The following TNRC18 variants were observed in gnomAD, a reference collection of about 807,000 sequenced individuals.
TNRC18 encodes trinucleotide repeat-containing gene 18 protein.
TNRC18 carries 69 observed loss-of-function variants against 226.7 expected under a neutral mutation model. The ratio of observed to expected loss-of-function variants is 0.30; its 90% confidence interval spans 0.25 to 0.37. TNRC18 has a LOEUF of 0.37. Among genes scored for constraint, TNRC18 ranks in the 10% least tolerant of loss-of-function variants. The probability of loss-of-function intolerance (pLI) is 1.00; values close to 1 mark genes in which losing one functional copy is unlikely to be tolerated. For synonymous variants in TNRC18, 2,449 were observed against 1,927.6 expected (o/e 1.27, Z -7.09); for missense variants, 4,754 against 4,256.6 (o/e 1.12, Z -3.25).
At chr7:5,344,250 TG>T (rs1310205293) in intron 18 of TNRC18, among the ~76,000 whole-genome samples, 2 of 152,034 alleles carry the variant, frequency 1.3e-5, no homozygotes, top group Non-Finnish European at 2.9e-5. Context: ...AGTCTGATGG[TG>T]GTGGGTCAGA....
In TNRC18 at chr7:5,389,285, G is replaced by T; in HGVS notation, c.539C>A (p.Ala180Glu). The T allele has an allele frequency of 7.8e-7, 1 of 1,289,296 alleles. No homozygotes were observed. Among genetic ancestry groups the T allele is most frequent in the South Asian group, 2.5e-5 (1 of 40,340 alleles). 79.9% of individuals were successfully genotyped at this position (1,289,296 alleles called of 1,614,324 possible). The stretch of plus-strand genomic sequence containing the variant: ...GCCGCCAGGGGTCCGGGCCGAGGGC[G>T]CGTGAGAGTGCAGGGAGCCCGGAGC... The part of the protein sequence containing the change: ...AGAPGSLHSH[A>E]PSARTPGGGH... Residue 180 changes from alanine to glutamate, a missense_variant, in exon 5 of 30, where the codon GCG becomes GAG. Physicochemically the swap from Ala to Glu is moderately radical, Grantham distance 107. Coordinates refer to ENST00000430969, the MANE Select transcript of TNRC18 (RefSeq NM_001080495.3).
chr7:5,402,458 C>T (rs1267067281), intron 2 of TNRC18, among the ~76,000 whole-genome samples: 8 of 151,986 alleles, frequency 5.3e-5, no homozygotes, highest in Admixed American at 2.0e-4. Context: ...TGACTTGAGC[C>T]CAGGAGGCGG....
In TNRC18 at chr7:5,390,588, G is replaced by T. The variant is rs545015683; in HGVS notation, c.384C>A (p.Leu128=). 5.6e-6 allele frequency: 9 copies of T among 1,612,020 alleles called. No individual in the cohort carries two copies. Among genetic ancestry groups the T allele is most frequent in the Non-Finnish European group, 7.6e-6 (9 of 1,179,100 alleles). ...TGGGGGGCTCCAGGTGGTTCAGGTGGAGGTAGGATGGGTACAGCCCACTGG... is the reference window on the plus strand; with the variant it reads ...TGGGGGGCTCCAGGTGGTTCAGGTGTAGGTAGGATGGGTACAGCCCACTGG... ...HLPSGLYPSY[L]HLNHLEPPSS... is the part of the protein sequence containing the mutation. The change falls in exon 4 of 30, where the codon CTC becomes CTA. Residue 128 remains leucine (L), a synonymous_variant. Coordinates refer to ENST00000430969, the MANE Select transcript of TNRC18 (RefSeq NM_001080495.3).
intron 2 of TNRC18, among the ~76,000 whole-genome samples, chr7:5,404,303 G>A (rs570279252): frequency 1.1e-4 from 16 of 151,696 alleles, no homozygotes; most frequent in East Asian, 3.9e-4. Flanking sequence ...CCTGGGAGGC[G>A]GAGGTTGCAG....
At chr7:5,384,231 G>A (rs1270996343) in intron 5 of TNRC18, among the ~76,000 whole-genome samples, 1 of 152,108 alleles carries the variant, frequency 6.6e-6, no homozygotes, top group Admixed American at 6.6e-5. Flanking sequence ...GTCTCCCAAA[G>A]TGCTGGGATT....
Position 5,309,013 on chromosome 7 carries a change from C to G in TNRC18, c.8626-64G>C. 1 of 1,544,038 alleles carries G rather than the reference C, an allele frequency of 6.5e-7. No individual in the cohort carries two copies. On this transcript the variant is annotated intron_variant, in intron 28 of 29. Transcript: ENST00000430969. The surrounding 1 kb of genome is among the most constrained non-coding windows in gnomAD (Gnocchi z 5.7). Reference sequence around the variant, plus strand: ...GGGCTGCTGCACCCGACCCCAGGCCCCAGGACAGGGCTGACCCACTGGGCA... The same window carrying G: ...GGGCTGCTGCACCCGACCCCAGGCCGCAGGACAGGGCTGACCCACTGGGCA...
chr7:5,408,549 A>T (rs1307925686), intron 2 of TNRC18, among the ~76,000 whole-genome samples: 1 of 151,542 alleles, frequency 6.6e-6, no homozygotes, highest in African/African-American at 2.4e-5. Flanking sequence ...GAGGCAGGAG[A>T]ATCGCTTGAA....
intron 17 of TNRC18, among the ~76,000 whole-genome samples, chr7:5,350,010 C>G (rs1791617548): frequency 6.6e-6 from 1 of 152,144 alleles, no homozygotes; most frequent in Admixed American, 6.5e-5. Context: ...CCTAAGAGGC[C>G]TAGGGCGCTG....
chr7:5,320,490 G>GC, intron 23 of TNRC18, 42 bp downstream of exon 23: 1 of 1,567,528 alleles, frequency 6.4e-7, no homozygotes. Context: ...TGGACACCCA[G>GC]CCCACCCCGA....
Position 5,389,174 on chromosome 7 carries a change from G to C in TNRC18, c.650C>G (p.Pro217Arg). ...KERAGRGGEP[P>R]PLFGKKDPRA... ...CGGGTCCTTCTTGCCGAAAAGCGGAGGCGGCTCCCCGCCGCGGCCCGCCCG... is the reference window on the plus strand; with the variant it reads ...CGGGTCCTTCTTGCCGAAAAGCGGACGCGGCTCCCCGCCGCGGCCCGCCCG... The change falls in exon 5 of 30, where the codon CCT (proline) becomes CGT (arginine). Residue 217 changes from proline to arginine, a missense_variant. Physicochemically the swap from Pro to Arg is moderately radical, Grantham distance 103 (BLOSUM62 -2). Coordinates refer to ENST00000430969, the MANE Select transcript of TNRC18 (RefSeq NM_001080495.3). 7.6e-7 allele frequency: 1 copy of C among 1,320,486 alleles called. No individual in the cohort carries two copies. The highest frequency in any genetic ancestry group is 9.6e-7 in the Non-Finnish European group (1 of 1,036,638). 81.8% of individuals were successfully genotyped at this position (1,320,486 alleles called of 1,614,324 possible).
chr7:5,363,858 T>TAA (rs11303195), intron 11 of TNRC18, among the ~76,000 whole-genome samples: 1 of 150,008 alleles, frequency 6.7e-6, no homozygotes, highest in Non-Finnish European at 1.5e-5. Flanking sequence ...CAGAAAGGTG[T>TAA]AAAAAAAAAA....
Position 5,361,855 on chromosome 7 carries a change from CCGGGGCAGGGGCCCCACGGGGCGGG to C in TNRC18, c.4532+17_4532+41del. 3 of 1,513,196 alleles carry C rather than the reference CCGGGGCAGGGGCCCCACGGGGCGGG, an allele frequency of 2.0e-6. No individual in the cohort carries two copies. Among genetic ancestry groups the C allele is most frequent in the Non-Finnish European group, 2.7e-6 (3 of 1,131,458 alleles). The allele number at this position is 1,513,196 out of a possible 1,614,324, so 93.7% of individuals were successfully genotyped here. On this transcript the variant is annotated intron_variant, in intron 13 of 29. Transcript: ENST00000430969. The stretch of plus-strand genomic sequence containing the variant: ...GCTGCGCGCCTGGGGGCCTGGTGGG[CCGGGGCAGGGGCCCCACGGGGCGGG>C]CGGGGGACACACTCACTCGGAGTCC...
At chr7:5,404,038 T>A (rs987160494) in intron 2 of TNRC18, among the ~76,000 whole-genome samples, 4 of 152,194 alleles carry the variant, frequency 2.6e-5, no homozygotes, top group African/African-American at 9.7e-5. Flanking sequence ...AAAGAATGGG[T>A]TAACACTCTG....
chr7:5,334,731 CA>C (rs1789913772), intron 18 of TNRC18, among the ~76,000 whole-genome samples: 1 of 152,098 alleles, frequency 6.6e-6, no homozygotes, highest in African/African-American at 2.4e-5. Flanking sequence ...ACAGTCCCCC[CA>C]GAGATCCACT....
rs1336834358 is a variant in TNRC18, at chr7:5,394,909, C to A, written c.188-314G>T. 6.6e-6 allele frequency among the ~76,000 whole-genome samples: 1 copy of A among 152,192 alleles called. No homozygotes were observed. Among genetic ancestry groups the A allele is most frequent in the African/African-American group, 2.4e-5 (1 of 41,442 alleles). The stretch of plus-strand genomic sequence containing the variant: ...CTTCCACCCCTGCCGCCCAACCAGC[C>A]CAGATCCGGCCCGGCACCATTCTCC... On this transcript the variant is annotated intron_variant, in intron 2 of 29. Coordinates refer to ENST00000430969, the MANE Select transcript of TNRC18 (RefSeq NM_001080495.3). The surrounding 1 kb of genome is among the most constrained non-coding windows in gnomAD (Gnocchi z 4.5).
At chr7:5,346,432 G>T (rs187677392) in intron 17 of TNRC18, among the ~76,000 whole-genome samples, 1 of 152,162 alleles carries the variant, frequency 6.6e-6, no homozygotes, top group Non-Finnish European at 1.5e-5. Flanking sequence ...GGAGGCGGAG[G>T]TTGCAGTGAG....
rs1006921088 is a variant in TNRC18 at position 5,388,916 on chromosome 7, C to G, written c.908G>C (p.Gly303Ala). 5.8e-5 allele frequency: 80 copies of G among 1,369,458 alleles called. No homozygotes were observed. Among genetic ancestry groups the G allele is most frequent in the Admixed American group, 5.4e-4 (17 of 31,444 alleles). The allele number at this position is 1,369,458 out of a possible 1,614,324, so 84.8% of individuals were successfully genotyped here. ...LPALVAEAGRGGAKEAARQDE... is the reference protein window; with the variant it reads ...LPALVAEAGRAGAKEAARQDE... ...CTGCCGGGCAGCCTCCTTGGCACCC[C>G]CGCGCCCCGCTTCGGCCACCAGCGC... The change falls in exon 5 of 30, where the codon GGG (glycine) becomes GCG (alanine). Residue 303 changes from glycine (G) to alanine (A), a missense_variant. Gly to Ala is a moderately conservative substitution (Grantham distance 60). Transcript: ENST00000430969.
At chr7:5,345,396 C>T (rs569288869) in intron 18 of TNRC18, among the ~76,000 whole-genome samples, 166 bp downstream of exon 18, 21 of 152,326 alleles carry the variant, frequency 1.4e-4, no homozygotes, top group African/African-American at 3.4e-4. Flanking sequence ...GGGCCCCTGT[C>T]GCGAGCATCC....
chr7:5,376,731 C>A (rs1247623517), intron 8 of TNRC18, 116 bp downstream of exon 8: 1 of 1,313,132 alleles, frequency 7.6e-7, no homozygotes, highest in African/African-American at 1.5e-5. Flanking sequence ...CGGTCCGCCT[C>A]CCCAGCCCCA....
Sources: allele counts gnomAD v4.1 joint callset (sites outside exome capture counted in the v4.1 genomes callset), GRCh38; gene constraint gnomAD v4.1.1; non-coding constraint Gnocchi (gnomAD v3.1); transcripts MANE v1.5; gene names NCBI Gene and HGNC (gene_info 2026-07-23, HGNC 2026-07-21).